CSMD1: variants seen among roughly 807,000 people sequenced by gnomAD.
CSMD1 encodes the protein CUB and sushi domain-containing protein 1.
A neutral mutation model predicts 417.5 loss-of-function variants in CSMD1; 213 were observed. The observed-to-expected ratio is 0.51, with a 90% CI of 0.46 to 0.57. CSMD1 has a LOEUF of 0.57. CSMD1 is among the 20% of genes least tolerant of loss of function. The pLI is 0.00. For missense variants in CSMD1, 6,923 were observed against 4,529.7 expected, an observed-to-expected ratio of 1.53 and a Z score of -15.17; for synonymous variants, 2,862 against 1,736.8, an observed-to-expected ratio of 1.65 and a Z score of -16.11.
intron 2 of CSMD1, among the ~76,000 whole-genome samples, chr8:4,471,303 G>A (rs774182616): frequency 1.8e-4 from 28 of 152,100 alleles, no homozygotes; most frequent in Non-Finnish European, 2.4e-4. Flanking sequence ...AAACAGGTTG[G>A]TAAAAAGCTG....
intron 1 of CSMD1, among the ~76,000 whole-genome samples, chr8:4,783,459 C>T (rs1353553956): frequency 1.3e-5 from 2 of 152,134 alleles, no homozygotes; most frequent in African/African-American, 4.8e-5. Flanking sequence ...CTGCCCTGGT[C>T]AGAACAATGT....
chr8:3,490,786 G>A (rs1441012983), intron 11 of CSMD1, among the ~76,000 whole-genome samples: 1 of 152,148 alleles, frequency 6.6e-6, no homozygotes, highest in Middle Eastern at 3.2e-3. Context: ...CAGGCAGTGT[G>A]TGCGACGATC....
At chr8:3,118,693 G>C (rs1817011971) in intron 41 of CSMD1, 106 bp from the exon 42 acceptor site, 2 of 981,996 alleles carry the variant, frequency 2.0e-6, no homozygotes, top group South Asian at 1.6e-5. Flanking sequence ...GAAGTTGTTG[G>C]ATAAGTTTAA....
intron 3 of CSMD1, among the ~76,000 whole-genome samples, chr8:4,280,497 G>T: frequency 6.6e-6 from 1 of 152,148 alleles, no homozygotes; most frequent in African/African-American, 2.4e-5. Flanking sequence ...ACATTTCACA[G>T]AAAAATTAAA....
intron 2 of CSMD1, among the ~76,000 whole-genome samples, chr8:4,499,584 TATTA>T (rs1390020862): frequency 4.6e-5 from 7 of 152,224 alleles, no homozygotes; most frequent in Admixed American, 4.6e-4. Context: ...AAAACAAAGA[TATTA>T]ATTCTGTAAA....
At chr8:3,863,136 G>A (rs1313181311) in intron 5 of CSMD1, among the ~76,000 whole-genome samples, 3 of 152,122 alleles carry the variant, frequency 2.0e-5, no homozygotes, top group Admixed American at 6.6e-5. Context: ...GGTGGCTAAT[G>A]CCTGTAATCC....
In CSMD1 at chr8:3,888,433, G is replaced by T. The variant is rs115305088; in HGVS notation, c.818+109470C>A. Reference sequence around the variant, plus strand: ...AAACCTTTTTTTACCTTAATGCAAGGTTCATGTGCAAATGCATAATTAAAA... The same window carrying T: ...AAACCTTTTTTTACCTTAATGCAAGTTTCATGTGCAAATGCATAATTAAAA... On this transcript the variant is annotated intron_variant, in intron 5 of 69. Transcript: ENST00000635120. 3.0e-3 allele frequency among the ~76,000 whole-genome samples: 460 copies of T among 152,226 alleles called. 3 individuals carry two copies. Among genetic ancestry groups the T allele is most frequent in the African/African-American group, 0.01 (434 of 41,546 alleles).
chr8:4,848,980 T>C (rs998874578), intron 1 of CSMD1, among the ~76,000 whole-genome samples: 3 of 152,248 alleles, frequency 2.0e-5, no homozygotes, highest in Non-Finnish European at 4.4e-5. Context: ...CTCAGGCAGG[T>C]CCTTCAGGAA....
At position 3,241,569 on chromosome 8, in the gene CSMD1, A is replaced by G. The variant is rs534855503; in HGVS notation, c.4154-11338T>C. Reference sequence around the variant, plus strand: ...GGGCTCTGGGAGTGGCTGCCAGGTGAGTTGAACAGTCTGATTTTCAGTGGG... The same window carrying G: ...GGGCTCTGGGAGTGGCTGCCAGGTGGGTTGAACAGTCTGATTTTCAGTGGG... On this transcript the variant is annotated intron_variant, in intron 26 of 69. Coordinates refer to ENST00000635120, the MANE Select transcript of CSMD1 (RefSeq NM_033225.6). Among the ~76,000 whole-genome samples, 229 of 152,190 alleles carry G rather than the reference A, an allele frequency of 1.5e-3. 1 individual carries two copies. The highest frequency in any genetic ancestry group is 2.4e-3 in the Non-Finnish European group (161 of 67,996).
chr8:3,032,491 C>T (rs1333073920), intron 50 of CSMD1, among the ~76,000 whole-genome samples: 3 of 152,032 alleles, frequency 2.0e-5, no homozygotes, highest in Non-Finnish European at 4.4e-5. Flanking sequence ...AAAGAATGTC[C>T]TTTATCTTGG....
At chr8:4,861,945 A>T (rs1802161883) in intron 1 of CSMD1, among the ~76,000 whole-genome samples, 1 of 152,144 alleles carries the variant, frequency 6.6e-6, no homozygotes, top group Admixed American at 6.5e-5. Flanking sequence ...GGGATGCAAC[A>T]AATATAAATA....
chr8:3,200,364 G>A (rs192654673), intron 32 of CSMD1, among the ~76,000 whole-genome samples: 22 of 151,958 alleles, frequency 1.4e-4, no homozygotes, highest in Non-Finnish European at 2.9e-4. Context: ...AGACCAGCCT[G>A]GCCAACATGG....
chr8:3,966,943 G>A (rs1205054789), intron 5 of CSMD1, among the ~76,000 whole-genome samples: 1 of 152,202 alleles, frequency 6.6e-6, no homozygotes, highest in Non-Finnish European at 1.5e-5. Context: ...ATGATCAAGA[G>A]ATAATTCAAA....
chr8:3,842,110 T>G (rs996662161), intron 5 of CSMD1, among the ~76,000 whole-genome samples: 2 of 152,186 alleles, frequency 1.3e-5, no homozygotes, highest in Non-Finnish European at 2.9e-5. Context: ...ATGCCTTCAT[T>G]CTGCCTAATT....
chr8:4,948,095 T>C (rs888847421), intron 1 of CSMD1, among the ~76,000 whole-genome samples: 3 of 152,052 alleles, frequency 2.0e-5, no homozygotes, highest in African/African-American at 7.2e-5. Context: ...TTTTTTTAAG[T>C]GCCAATTATT....
At chr8:3,630,338 C>A (rs1563214552) in intron 7 of CSMD1, among the ~76,000 whole-genome samples, 1 of 152,160 alleles carries the variant, frequency 6.6e-6, no homozygotes, top group Non-Finnish European at 1.5e-5. Context: ...AATTTAAAAA[C>A]CCTCTTGCCC....
At chr8:4,703,177 A>G (rs1355292019) in intron 1 of CSMD1, among the ~76,000 whole-genome samples, 1 of 152,204 alleles carries the variant, frequency 6.6e-6, no homozygotes, top group South Asian at 2.1e-4. Context: ...AGGAGATTCA[A>G]ATTTTCTTTA....
intron 5 of CSMD1, among the ~76,000 whole-genome samples, chr8:3,939,180 G>A (rs949344482): frequency 5.3e-5 from 8 of 152,076 alleles, no homozygotes; most frequent in Non-Finnish European, 8.8e-5. Context: ...CTGAGTGACA[G>A]ACTGTATAAG....
chr8:4,823,386 T>A (rs1799628693), intron 1 of CSMD1, among the ~76,000 whole-genome samples: 1 of 152,030 alleles, frequency 6.6e-6, no homozygotes, highest in African/African-American at 2.4e-5. Context: ...TGAAAAAAAA[T>A]CAAAGTAGTT....
Sources: gnomAD v4.1 joint callset for allele counts (sites outside exome capture counted in the v4.1 genomes callset) on GRCh38, gnomAD v4.1.1 for gene constraint, MANE v1.5 for transcripts, NCBI Gene and HGNC (gene_info 2026-07-23, HGNC 2026-07-21) for gene names.